The following NCKAP5 variants were observed in gnomAD, a reference collection of about 807,000 sequenced individuals.
The protein encoded by NCKAP5 is nck-associated protein 5.
Under a neutral mutation model 167.0 loss-of-function variants are expected in NCKAP5, and 92 were observed. That is an observed-to-expected ratio of 0.55 (90% CI 0.47 to 0.66). The LOEUF (loss-of-function observed/expected upper bound fraction) is 0.66, where lower values mean the gene tolerates loss of function less well. Among genes scored for constraint, NCKAP5 ranks in the 30% least tolerant of loss-of-function variants. The pLI is 0.00. For synonymous variants in NCKAP5, 891 were observed against 877.4 expected, an observed-to-expected ratio of 1.02 and a Z score of -0.27; for missense variants, 2,378 against 2,315.0, an observed-to-expected ratio of 1.03 and a Z score of -0.56.
chr2:132,973,430 G>A (rs1431171300), intron 7 of NCKAP5, among the ~76,000 whole-genome samples: 1 of 152,166 alleles, frequency 6.6e-6, no homozygotes, highest in African/African-American at 2.4e-5. Flanking sequence ...CTAGCCAGCT[G>A]TGTAATTTTA....
chr2:132,813,836 G>A (rs1686068258), intron 11 of NCKAP5, among the ~76,000 whole-genome samples: 1 of 152,180 alleles, frequency 6.6e-6, no homozygotes, highest in Admixed American at 6.5e-5. Flanking sequence ...ATTATTAAAG[G>A]AAAGATTAGA....
chr2:133,569,510 G>A (rs966858852), upstream of NCKAP5, among the ~76,000 whole-genome samples: 1 of 152,202 alleles, frequency 6.6e-6, no homozygotes, highest in Non-Finnish European at 1.5e-5. Flanking sequence ...TTTGAGGGCT[G>A]CCTTGTAAGT....
intron 5 of NCKAP5, among the ~76,000 whole-genome samples, chr2:133,161,669 C>T (rs2083799255): frequency 6.6e-6 from 1 of 152,162 alleles, no homozygotes; most frequent in Admixed American, 6.5e-5. Flanking sequence ...ATGCTTTCTC[C>T]CAGCCCATGA....
At chr2:133,398,964 C>T (rs1687924574) in intron 3 of NCKAP5, among the ~76,000 whole-genome samples, 1 of 152,034 alleles carries the variant, frequency 6.6e-6, no homozygotes, top group African/African-American at 2.4e-5. Context: ...TGGGAATTGG[C>T]ATCACAGATA....
intron 4 of NCKAP5, among the ~76,000 whole-genome samples, chr2:133,264,639 C>T (rs1361864132): frequency 6.6e-6 from 1 of 152,130 alleles, no homozygotes; most frequent in African/African-American, 2.4e-5. Flanking sequence ...CTAAGTACGA[C>T]AATTTAAATA....
At chr2:133,228,316 C>CA (rs2086988618) in intron 4 of NCKAP5, among the ~76,000 whole-genome samples, 1 of 151,964 alleles carries the variant, frequency 6.6e-6, no homozygotes, top group Non-Finnish European at 1.5e-5. Flanking sequence ...GGACCTGTAG[C>CA]AAAAAAATAA....
intron 12 of NCKAP5, among the ~76,000 whole-genome samples, chr2:132,795,733 C>T (rs1684525331): frequency 6.8e-6 from 1 of 146,290 alleles, no homozygotes; most frequent in Non-Finnish European, 1.5e-5. Flanking sequence ...GCAGGAGAGT[C>T]ATTTGAACCC....
At chr2:132,716,670 C>T (rs1689400111) in intron 19 of NCKAP5, among the ~76,000 whole-genome samples, 1 of 152,078 alleles carries the variant, frequency 6.6e-6, no homozygotes, top group Non-Finnish European at 1.5e-5. Flanking sequence ...CAAAATGTCT[C>T]ATTAGGGTCC....
intron 11 of NCKAP5, among the ~76,000 whole-genome samples, chr2:132,797,736 T>C (rs188400339): frequency 1.4e-3 from 209 of 152,320 alleles, no homozygotes; most frequent in Non-Finnish European, 2.3e-3. Context: ...AGAATCATCT[T>C]AGAGGGCAGG....
At chr2:133,019,269 A>G (rs1213267691) in intron 6 of NCKAP5, among the ~76,000 whole-genome samples, 1 of 152,178 alleles carries the variant, frequency 6.6e-6, no homozygotes, top group Non-Finnish European at 1.5e-5. Context: ...TTATCATTCA[A>G]CTCACTGGGG....
chr2:133,441,088 ACACACT>A lies in NCKAP5; in HGVS notation c.69+76364_69+76369del, dbSNP rs1249857677. On this transcript the variant is annotated intron_variant, in intron 3 of 19. Transcript: ENST00000409261. Reference sequence around the variant, plus strand: ...GACAGCTCTCACACCCTACAGACACACACACTCACACACACACACACACACACACAC... The same window carrying A: ...GACAGCTCTCACACCCTACAGACACACACACACACACACACACACACACAC... 7.8e-5 allele frequency among the ~76,000 whole-genome samples: 4 copies of A among 51,138 alleles called. No homozygotes were observed. In the South Asian group the frequency reaches 3.3e-3, roughly 42 times the overall value. The allele number at this position is 51,138 out of a possible 152,430, so 33.5% of individuals were successfully genotyped here.
chr2:133,672,289 C>T, the NCKAP5 span, among the ~76,000 whole-genome samples: 1 of 152,164 alleles, frequency 6.6e-6, no homozygotes, highest in South Asian at 2.1e-4. Flanking sequence ...GGACAAATGG[C>T]ACACGATGAG....
At chr2:132,759,931 CT>C (rs773195738) in intron 16 of NCKAP5, among the ~76,000 whole-genome samples, 1 of 151,650 alleles carries the variant, frequency 6.6e-6, no homozygotes, top group Non-Finnish European at 1.5e-5. Context: ...TACTATTTAA[CT>C]TTCCCCCTAC....
intron 6 of NCKAP5, among the ~76,000 whole-genome samples, chr2:133,056,211 C>G (rs796974602): frequency 2.0e-5 from 3 of 152,180 alleles, no homozygotes; most frequent in African/African-American, 7.2e-5. Flanking sequence ...CCCTAGTGTC[C>G]AGGTCAACTC....
chr2:133,538,038 T>C (rs1218090217), intron 2 of NCKAP5, among the ~76,000 whole-genome samples: 1 of 152,204 alleles, frequency 6.6e-6, no homozygotes, highest in East Asian at 1.9e-4. Flanking sequence ...ATTTCAAGCT[T>C]GTTGCTTAAT....
rs186215993 is a variant in NCKAP5 at position 133,455,594 on chromosome 2, T to C, written c.69+61864A>G. ...CCCTTTTTTCTTTCGTATGTTTTTC[T>C]GCTCATTCAAATTATGATCAGAAGC... On this transcript the variant is annotated intron_variant, in intron 3 of 19. Coordinates refer to ENST00000409261, the MANE Select transcript of NCKAP5 (RefSeq NM_207363.3). Among the ~76,000 whole-genome samples the C allele has an allele frequency of 4.7e-4, 71 of 152,290 alleles. 1 individual carries two copies. In the South Asian group the frequency reaches 5.4e-3, roughly 12 times the overall value.
rs533745934 is a variant in NCKAP5, at chr2:132,888,949, C to T, written c.580-10033G>A. On this transcript the variant is annotated intron_variant, in intron 8 of 19. Coordinates refer to ENST00000409261, the MANE Select transcript of NCKAP5 (RefSeq NM_207363.3). ...GACTTGATTGACCAATGGAAGGAGG[C>T]TGAAGTGCCATCTTTGGTCTTCCAA... 3.3e-5 allele frequency among the ~76,000 whole-genome samples: 5 copies of T among 152,200 alleles called. No homozygotes were observed. In the East Asian group the frequency reaches 9.7e-4, roughly 29 times the overall value.
At chr2:133,085,333 A>G (rs964606249) in intron 6 of NCKAP5, among the ~76,000 whole-genome samples, 6 of 152,170 alleles carry the variant, frequency 3.9e-5, no homozygotes, top group African/African-American at 1.4e-4. Flanking sequence ...CAAAGCAGTA[A>G]TGGTCTAGGT....
intron 11 of NCKAP5, among the ~76,000 whole-genome samples, chr2:132,828,963 G>A (rs989068709): frequency 1.3e-5 from 2 of 152,244 alleles, no homozygotes; most frequent in South Asian, 2.1e-4. Flanking sequence ...CAGCAATATG[G>A]TGATGTCAGC....
Sources: allele counts gnomAD v4.1 joint callset (sites outside exome capture counted in the v4.1 genomes callset), GRCh38; gene constraint gnomAD v4.1.1; transcripts MANE v1.5; gene names NCBI Gene and HGNC (gene_info 2026-07-23, HGNC 2026-07-21).